RBFOX3: variants seen among roughly 807,000 people sequenced by gnomAD.
RBFOX3 encodes RNA binding protein fox-1 homolog 3.
Under a neutral mutation model 48.7 loss-of-function variants are expected in RBFOX3, and 17 were observed. The observed-to-expected ratio is 0.35, with a 90% CI of 0.24 to 0.52. RBFOX3 has a LOEUF of 0.52. Among genes scored for constraint, RBFOX3 ranks in the 20% least tolerant of loss-of-function variants. The probability of loss-of-function intolerance (pLI) is 0.94; values close to 1 mark genes in which losing one functional copy is unlikely to be tolerated. For synonymous variants in RBFOX3, 212 were observed against 209.5 expected (o/e 1.01, Z -0.10); for missense variants, 382 against 497.5 (o/e 0.77, Z 2.21).
chr17:79,368,162 C>T (rs1184751939), intron 2 of RBFOX3, among the ~76,000 whole-genome samples: 2 of 152,236 alleles, frequency 1.3e-5, no homozygotes, highest in Non-Finnish European at 2.9e-5. Flanking sequence ...CGGGATCCCA[C>T]GGGATGGGTT....
rs1024311534 is a variant in RBFOX3 at position 79,473,017 on chromosome 17, A to G, written c.-175+9437T>C. On this transcript the variant is annotated intron_variant, in intron 2 of 14. Transcript: ENST00000693108. This position sits in a 1 kb window ranked among gnomAD's most constrained non-coding sequence, Gnocchi z 4.2. ...AGCCTCCTGAGTAGTTGAAGTGACA[A>G]GCCCTTACTTTTGGTTTTTAGAAAA... is the stretch of plus-strand genomic sequence containing the variant. Among the ~76,000 whole-genome samples, 116 of 152,326 alleles carry G rather than the reference A, an allele frequency of 7.6e-4. No individual in the cohort carries two copies. The highest frequency in any genetic ancestry group is 2.7e-3 in the African/African-American group (111 of 41,576).
At chr17:79,518,889 C>T (rs1300682288) in intron 1 of RBFOX3, among the ~76,000 whole-genome samples, 1 of 152,226 alleles carries the variant, frequency 6.6e-6, no homozygotes, top group Non-Finnish European at 1.5e-5. Context: ...GTTTTCCCGT[C>T]GTAGGGAGGG....
chr17:79,439,220 G>A (rs1457324110), intron 2 of RBFOX3, among the ~76,000 whole-genome samples: 1 of 152,202 alleles, frequency 6.6e-6, no homozygotes, highest in Non-Finnish European at 1.5e-5. Context: ...TGAGCTGGGG[G>A]CTTTATGGAG....
At chr17:79,397,513 G>A (rs1306960932) in intron 2 of RBFOX3, among the ~76,000 whole-genome samples, 2 of 143,822 alleles carry the variant, frequency 1.4e-5, no homozygotes, top group African/African-American at 2.6e-5. Context: ...AAAAAAGTGC[G>A]ACCCCCACCC....
chr17:79,328,317 G>T (rs529147458), intron 2 of RBFOX3, among the ~76,000 whole-genome samples: 2 of 152,300 alleles, frequency 1.3e-5, no homozygotes, highest in Admixed American at 6.5e-5. Context: ...GAGCATTCAG[G>T]ACAGGGTCAT....
At chr17:79,655,443 A>G in the RBFOX3 span, among the ~76,000 whole-genome samples, 1 of 152,210 alleles carries the variant, frequency 6.6e-6, no homozygotes, top group African/African-American at 2.4e-5. Context: ...TCCTCAACCA[A>G]TGTAAGCTGT....
chr17:79,265,256 T>A (rs1375185510), intron 3 of RBFOX3, among the ~76,000 whole-genome samples: 8 of 152,222 alleles, frequency 5.3e-5, no homozygotes. Context: ...AGTTTTTAAA[T>A]GTAATGCCGT....
At chr17:79,621,299 T>C in the RBFOX3 span, among the ~76,000 whole-genome samples, 1 of 152,170 alleles carries the variant, frequency 6.6e-6, no homozygotes, top group South Asian at 2.1e-4. Context: ...ACGCCCAGCC[T>C]GTCCTTCACT....
In RBFOX3 at chr17:79,471,945, T is replaced by C. The variant is rs1056591497; in HGVS notation, c.-175+10509A>G. 1.2e-4 allele frequency among the ~76,000 whole-genome samples: 18 copies of C among 152,216 alleles called. No individual in the cohort carries two copies. Among genetic ancestry groups the C allele is most frequent in the African/African-American group, 4.1e-4 (17 of 41,466 alleles). On this transcript the variant is annotated intron_variant, in intron 2 of 14. Transcript: ENST00000693108. The surrounding 1 kb of genome is among the most constrained non-coding windows in gnomAD (Gnocchi z 4.0). The stretch of plus-strand genomic sequence containing the variant: ...GAAAACCCTTTATGGAAACCTACTA[T>C]GTGCAGCACTGTGGGAGAAACAAGT...
rs370313425 is a variant in RBFOX3, at chr17:79,117,395, C to T, written c.-33-1647G>A. ...AGTGGCTGCTCACCTCCCTCACCTG[C>T]GCCTCCACCCCACGCTCCCATCACC... On this transcript the variant is annotated intron_variant, in intron 4 of 14. Transcript: ENST00000693108. 3.1e-3 allele frequency among the ~76,000 whole-genome samples: 466 copies of T among 152,316 alleles called. 4 individuals carry two copies. The highest frequency in any genetic ancestry group is 0.024 in the South Asian group (116 of 4,830).
chr17:79,589,001 G>A (rs1451175755), intron 1 of RBFOX3, among the ~76,000 whole-genome samples: 1 of 151,562 alleles, frequency 6.6e-6, no homozygotes, highest in South Asian at 2.1e-4. Flanking sequence ...TCCTGAGCTT[G>A]GACCTGGGCC....
rs565485191 is a variant in RBFOX3 at position 79,215,970 on chromosome 17, G to A, written c.-34+19796C>T. Among the ~76,000 whole-genome samples, 16 of 152,360 alleles carry A rather than the reference G, an allele frequency of 1.1e-4. No homozygotes were observed. The East Asian group carries it at 1.7e-3, about 17-fold the overall frequency. ...TCAGAGCCAGAGTCAGGTTTAACCC[G>A]ATAGCCTTGCAAGCAGCGGACGCAG... On this transcript the variant is annotated intron_variant, in intron 4 of 14. Coordinates refer to ENST00000693108, the MANE Select transcript of RBFOX3 (RefSeq NM_001350451.2).
chr17:79,251,018 C>T (rs1013103586), intron 3 of RBFOX3, among the ~76,000 whole-genome samples: 4 of 151,874 alleles, frequency 2.6e-5, no homozygotes, highest in Non-Finnish European at 4.4e-5. Context: ...CATGTTGGCC[C>T]GGCTGGTGTC....
chr17:79,377,053 G>A (rs905430704), intron 2 of RBFOX3, among the ~76,000 whole-genome samples: 2 of 152,100 alleles, frequency 1.3e-5, no homozygotes, highest in East Asian at 1.9e-4. Context: ...TAGAGAAACC[G>A]CAGTGGGCAA....
intron 2 of RBFOX3, among the ~76,000 whole-genome samples, chr17:79,400,377 G>T (rs1475157452): frequency 2.0e-5 from 3 of 152,254 alleles, no homozygotes; most frequent in South Asian, 2.1e-4. Context: ...GCCGTCACGG[G>T]GCCTTTTCCT....
At chr17:79,248,059 T>A (rs1254718241) in intron 3 of RBFOX3, among the ~76,000 whole-genome samples, 1 of 152,210 alleles carries the variant, frequency 6.6e-6, no homozygotes, top group Non-Finnish European at 1.5e-5. Flanking sequence ...AGGGCTGCAG[T>A]GAGCTCCGGT....
intron 2 of RBFOX3, among the ~76,000 whole-genome samples, chr17:79,378,250 C>G (rs1164027471): frequency 2.0e-5 from 3 of 152,070 alleles, no homozygotes; most frequent in Non-Finnish European, 4.4e-5. Flanking sequence ...CTGAGCCTCT[C>G]CCACTGGTCC....
chr17:79,591,825 G>T, intron 1 of RBFOX3, among the ~76,000 whole-genome samples: 1 of 151,930 alleles, frequency 6.6e-6, no homozygotes, highest in South Asian at 2.1e-4. Context: ...GGGTGTGCAC[G>T]TGTGGAGGGT....
chr17:79,321,197 T>C (rs1255145814), intron 2 of RBFOX3, among the ~76,000 whole-genome samples: 2 of 152,330 alleles, frequency 1.3e-5, no homozygotes, highest in Non-Finnish European at 1.5e-5. Context: ...GCCCAGGGCA[T>C]AGGGACACCA....
Sources: allele counts gnomAD v4.1 joint callset (sites outside exome capture counted in the v4.1 genomes callset), GRCh38; gene constraint gnomAD v4.1.1; non-coding constraint Gnocchi (gnomAD v3.1); transcripts MANE v1.5; gene names NCBI Gene and HGNC (gene_info 2026-07-23, HGNC 2026-07-21).